Variants in ABAT observed in about 807,000 individuals in gnomAD.
ABAT encodes the protein 4-aminobutyrate aminotransferase, mitochondrial.
Under a neutral mutation model 64.6 loss-of-function variants are expected in ABAT, and 45 were observed. The observed-to-expected ratio is 0.70, with a 90% CI of 0.55 to 0.89. ABAT has a LOEUF of 0.89. Ranked by LOEUF, ABAT falls within the 40% of genes least tolerant of loss-of-function variation. The probability of loss-of-function intolerance (pLI) is 0.00; values close to 1 mark genes in which losing one functional copy is unlikely to be tolerated. For missense variants in ABAT, 633 were observed against 658.4 expected (o/e 0.96, Z 0.42); for synonymous variants, 297 against 250.5 (o/e 1.19, Z -1.75).
intron 1 of ABAT, among the ~76,000 whole-genome samples, chr16:8,697,525 G>A (rs1409183191): frequency 1.3e-5 from 2 of 152,134 alleles, no homozygotes; most frequent in Non-Finnish European, 2.9e-5. Context: ...CCAGGCATGA[G>A]CAATTGCAGT....
intron 1 of ABAT, among the ~76,000 whole-genome samples, chr16:8,696,041 C>A (rs528496540): frequency 2.6e-5 from 4 of 152,330 alleles, no homozygotes; most frequent in Non-Finnish European, 5.9e-5. Context: ...AGGCAAGGAG[C>A]TTTCTTAGTT....
At chr16:8,694,125 G>C (rs2057646684) in intron 1 of ABAT, among the ~76,000 whole-genome samples, 1 of 151,434 alleles carries the variant, frequency 6.6e-6, no homozygotes, top group African/African-American at 2.4e-5. Flanking sequence ...TGCCTCCCAG[G>C]TTCACGCCAT....
At chr16:8,703,223 G>A (rs900312869) in intron 1 of ABAT, among the ~76,000 whole-genome samples, 1 of 152,096 alleles carries the variant, frequency 6.6e-6, no homozygotes, top group African/African-American at 2.4e-5. Context: ...GAGGTGGGTG[G>A]ATCACCTGAG....
At chr16:8,683,544 C>G (rs1411276591) in intron 1 of ABAT, 2 of 112,128 alleles carry the variant, frequency 1.8e-5, no homozygotes, top group Non-Finnish European at 3.8e-5. Context: ...TAGTGGAACC[C>G]TGTTTCTAAA....
intron 1 of ABAT, among the ~76,000 whole-genome samples, chr16:8,722,102 T>C (rs1376738491): frequency 6.6e-6 from 1 of 152,250 alleles, no homozygotes; most frequent in Non-Finnish European, 1.5e-5. Flanking sequence ...GGTCCCCATG[T>C]GATGCCAGCC....
At chr16:8,755,840 C>G (rs141924552) in intron 5 of ABAT, among the ~76,000 whole-genome samples, 3,115 of 152,212 alleles carry the variant, frequency 0.02, 36 homozygotes, top group Middle Eastern at 0.034. Flanking sequence ...ACGAGGTCAG[C>G]AGATTGAGAC....
Position 8,689,795 on chromosome 16 carries a change from C to T in ABAT, c.-42+15084C>T, listed in dbSNP as rs148526965. Among the ~76,000 whole-genome samples, 449 of 152,260 alleles carry T rather than the reference C, an allele frequency of 2.9e-3. 2 individuals carry two copies. The highest frequency in any genetic ancestry group is 0.01 in the African/African-American group (423 of 41,532). On this transcript the variant is annotated intron_variant, in intron 1 of 15. Coordinates refer to ENST00000268251, the MANE Select transcript of ABAT (RefSeq NM_020686.6). ...TTTTGGGTGGTGGGAACAGCATCTG[C>T]AAAGACTGAGTAGAAGCCTTCCCAG...
In ABAT at chr16:8,766,252, G is replaced by A. The variant is rs2142947004; in HGVS notation, c.585G>A (p.Glu195=). The A allele has an allele frequency of 6.2e-7, 1 of 1,614,132 alleles. No individual in the cohort carries two copies. Among genetic ancestry groups the A allele is most frequent in the South Asian group, 1.1e-5 (1 of 91,082 alleles). Residue 195 remains glutamate (E), a synonymous_variant, in exon 9 of 16, where the codon GAG becomes GAA. Transcript: ENST00000268251. Reference sequence around the variant, plus strand: ...GGGGCTTCTCCCAGGAGGAGCTGGAGACGTGCATGATTAACCAGGTGAGTG... The same window carrying A: ...GGGGCTTCTCCCAGGAGGAGCTGGAAACGTGCATGATTAACCAGGTGAGTG... The part of the protein sequence containing the change: ...GQRGFSQEEL[E]TCMINQAPGC...
intron 1 of ABAT, among the ~76,000 whole-genome samples, chr16:8,686,984 G>A (rs1426365371): frequency 6.6e-6 from 1 of 152,216 alleles, no homozygotes; most frequent in African/African-American, 2.4e-5. Context: ...CTTTGGAAGT[G>A]CAGAGTGGCC....
intron 6 of ABAT, among the ~76,000 whole-genome samples, chr16:8,758,210 T>G (rs1045157284): frequency 3.3e-5 from 5 of 152,198 alleles, no homozygotes; most frequent in African/African-American, 1.2e-4. Context: ...ATTTTTCAGA[T>G]GCAGAAACTG....
At position 8,764,902 on chromosome 16, in the gene ABAT, C is replaced by A; in HGVS notation, c.540+72C>A. ...ACCCAGCCACACGCTCACCCCTTGT[C>A]TGACTGTTCATTCCAATGGGCTGGA... On this transcript the variant is annotated intron_variant, in intron 8 of 15. Coordinates refer to ENST00000268251, the MANE Select transcript of ABAT (RefSeq NM_020686.6). This position sits in a 1 kb window ranked among gnomAD's most constrained non-coding sequence, Gnocchi z 4.2. 1 of 1,352,568 alleles carries A rather than the reference C, an allele frequency of 7.4e-7. No individual in the cohort carries two copies. Among genetic ancestry groups the A allele is most frequent in the Non-Finnish European group, 1.1e-6 (1 of 945,158 alleles). 83.8% of individuals were successfully genotyped at this position (1,352,568 alleles called of 1,614,324 possible).
rs145026866 is a variant in ABAT, at chr16:8,716,075, T to C, written c.-41-19624T>C. ...CCCAGGCTGGGCACTCTGCTTAGCTTTGCGCGTGGATTATCTCATTTCATC... is the reference window on the plus strand; with the variant it reads ...CCCAGGCTGGGCACTCTGCTTAGCTCTGCGCGTGGATTATCTCATTTCATC... On this transcript the variant is annotated intron_variant, in intron 1 of 15. Transcript: ENST00000268251. Among the ~76,000 whole-genome samples, 949 of 152,296 alleles carry C rather than the reference T, an allele frequency of 6.2e-3. 6 individuals are homozygous for C. Among genetic ancestry groups the C allele is most frequent in the Non-Finnish European group, 9.3e-3 (632 of 68,020 alleles).
chr16:8,722,938 C>A (rs2058416177), intron 1 of ABAT: 3 of 1,158,194 alleles, frequency 2.6e-6, no homozygotes, highest in Admixed American at 4.6e-5. Flanking sequence ...CCGAACGGGC[C>A]TTAGAAACAA....
intron 1 of ABAT, among the ~76,000 whole-genome samples, chr16:8,693,586 G>A (rs1210791748): frequency 2.0e-5 from 3 of 151,754 alleles, no homozygotes; most frequent in Non-Finnish European, 4.4e-5. Context: ...CTCATGCCTC[G>A]GCCTCCTGAG....
intron 1 of ABAT, among the ~76,000 whole-genome samples, chr16:8,698,022 C>G (rs950141756): frequency 6.6e-6 from 1 of 152,208 alleles, no homozygotes; most frequent in Admixed American, 6.6e-5. Context: ...TAAAAATATT[C>G]ATTGAGATCA....
At position 8,779,553 on chromosome 16, in the gene ABAT, C is replaced by T. The variant is rs2143002825; in HGVS notation, c.1344C>T (p.Ser448=). The change falls in exon 15 of 16, where the codon TCC becomes TCT. Residue 448 remains serine, a synonymous_variant. Coordinates refer to ENST00000268251, the MANE Select transcript of ABAT (RefSeq NM_020686.6). ...TFCSFDTPDD[S]IRNKLILIAR... is the part of the protein sequence containing the mutation. ...GCTCCTTCGATACTCCCGATGATTCCATACGGAATAAGCTCATTTTAATTG... is the reference window on the plus strand; with the variant it reads ...GCTCCTTCGATACTCCCGATGATTCTATACGGAATAAGCTCATTTTAATTG... 1 of 1,614,154 alleles carries T rather than the reference C, an allele frequency of 6.2e-7. No homozygotes were observed. The highest frequency in any genetic ancestry group is 1.3e-5 in the African/African-American group (1 of 75,034).
intron 4 of ABAT, among the ~76,000 whole-genome samples, chr16:8,748,747 A>C (rs994235165): frequency 2.6e-5 from 4 of 152,064 alleles, no homozygotes; most frequent in Non-Finnish European, 5.9e-5. Context: ...ATATCTTCTT[A>C]GTGGATTGAC....
intron 1 of ABAT, among the ~76,000 whole-genome samples, chr16:8,725,598 G>A (rs978601746): frequency 6.6e-6 from 1 of 152,216 alleles, no homozygotes; most frequent in East Asian, 1.9e-4. Flanking sequence ...GATAGACCAT[G>A]TTTTGTTTAT....
In ABAT at chr16:8,733,785, C is replaced by T. The variant is rs571719660; in HGVS notation, c.-41-1914C>T. On this transcript the variant is annotated intron_variant, in intron 1 of 15. Transcript: ENST00000268251. ...AGATGGCAGCAGTACAGTCCAGCTT[C>T]GGCTCAGCATGAGAGGGAGACCGTG... is the stretch of plus-strand genomic sequence containing the variant. 2.8e-4 allele frequency among the ~76,000 whole-genome samples: 42 copies of T among 148,138 alleles called. No homozygotes were observed. The South Asian group carries it at 6.2e-3, about 22-fold the overall frequency.
Sources: gnomAD v4.1 joint callset for allele counts (sites outside exome capture counted in the v4.1 genomes callset) on GRCh38, gnomAD v4.1.1 for gene constraint, Gnocchi (gnomAD v3.1) non-coding constraint, MANE v1.5 for transcripts, NCBI Gene and HGNC (gene_info 2026-07-23, HGNC 2026-07-21) for gene names.